The following GLDC variants were observed in gnomAD, a reference collection of about 807,000 sequenced individuals.
GLDC encodes glycine dehydrogenase (decarboxylating), mitochondrial.
In GLDC, 104 loss-of-function variants were observed where a neutral mutation model predicts 121.3. The ratio of observed to expected loss-of-function variants is 0.86; its 90% CI spans 0.73 to 1.01. The LOEUF (loss-of-function observed/expected upper bound fraction) is 1.01, where lower values mean the gene tolerates loss of function less well. Ranked by LOEUF, GLDC falls within the 50% of genes least tolerant of loss-of-function variation. The pLI is 0.00. For missense variants in GLDC, 1,429 were observed against 1,306.6 expected (o/e 1.09, Z -1.44); for synonymous variants, 546 against 480.6 (o/e 1.14, Z -1.78).
At chr9:6,580,950 T>A (rs746020120) in intron 15 of GLDC, among the ~76,000 whole-genome samples, 19 of 152,214 alleles carry the variant, frequency 1.2e-4, no homozygotes, top group Non-Finnish European at 2.5e-4. Context: ...CAGGTCTTTG[T>A]TTCATCCTGA....
chr9:6,554,880 G>A (rs1024394917), intron 18 of GLDC, 99 bp from the exon 19 acceptor site: 11 of 838,744 alleles, frequency 1.3e-5, no homozygotes, highest in African/African-American at 6.7e-5. Flanking sequence ...TCCCCTCAGA[G>A]GAAAAGCAGG....
chr9:6,535,248 A>C (rs925960221), intron 23 of GLDC, among the ~76,000 whole-genome samples: 1 of 152,046 alleles, frequency 6.6e-6, no homozygotes, highest in Non-Finnish European at 1.5e-5. Flanking sequence ...ACTCACTATT[A>C]TGCTCTTTGA....
intron 14 of GLDC, 54 bp from the exon 15 acceptor site, chr9:6,587,337 A>G (rs1368506845): frequency 1.6e-6 from 2 of 1,286,976 alleles, no homozygotes; most frequent in African/African-American, 1.5e-5. Context: ...AGCAATAGCA[A>G]TAATAACTTT....
intron 5 of GLDC, 54 bp downstream of exon 5, chr9:6,606,538 G>A (rs1346639759): frequency 2.0e-6 from 2 of 1,012,752 alleles, no homozygotes; most frequent in Admixed American, 1.7e-5. Context: ...GAAAGAAACA[G>A]CAGAGATGAA....
intron 2 of GLDC, 50 bp from the exon 3 acceptor site, chr9:6,620,369 GCT>G (rs776646309): frequency 4.0e-6 from 6 of 1,500,526 alleles, no homozygotes; most frequent in Middle Eastern, 1.7e-4. Context: ...TCAGAAAAGA[GCT>G]CTAATTACAG....
chr9:6,602,631 G>A (rs1194634801), intron 7 of GLDC, among the ~76,000 whole-genome samples: 2 of 152,166 alleles, frequency 1.3e-5, no homozygotes, highest in Non-Finnish European at 2.9e-5. Context: ...GGGATTACAG[G>A]CATGAGCCAC....
chr9:6,628,241 C>T (rs1819288216), intron 2 of GLDC, among the ~76,000 whole-genome samples: 1 of 152,166 alleles, frequency 6.6e-6, no homozygotes, highest in Non-Finnish European at 1.5e-5. Context: ...GCCTTTTCCT[C>T]CTGAGTAGTA....
chr9:6,584,381 T>C (rs1465168383), intron 15 of GLDC, among the ~76,000 whole-genome samples: 2 of 152,230 alleles, frequency 1.3e-5, no homozygotes, highest in Admixed American at 6.5e-5. Flanking sequence ...GTGACGTGCA[T>C]ATAGGTCCCC....
rs144578178 is a variant in GLDC at position 6,573,777 on chromosome 9, C to T, written c.1851-8348G>A. ...GTAAAGTGATCCTAACAACCACTGT[C>T]GAAATGACCCACTTCAGTTCATGGC... On this transcript the variant is annotated intron_variant, in intron 15 of 24. Coordinates refer to ENST00000321612, the MANE Select transcript of GLDC (RefSeq NM_000170.3). Among the ~76,000 whole-genome samples the T allele has an allele frequency of 1.4e-3, 210 of 152,236 alleles. 1 individual carries two copies. Among genetic ancestry groups the T allele is most frequent in the African/African-American group, 4.6e-3 (193 of 41,532 alleles).
At chr9:6,628,212 C>A (rs192667349) in intron 2 of GLDC, among the ~76,000 whole-genome samples, 1 of 152,324 alleles carries the variant, frequency 6.6e-6, no homozygotes, top group Non-Finnish European at 1.5e-5. Flanking sequence ...GTATGGGGTC[C>A]TTCAATCCCA....
At chr9:6,632,735 G>T (rs1819412781) in intron 2 of GLDC, among the ~76,000 whole-genome samples, 1 of 152,194 alleles carries the variant, frequency 6.6e-6, no homozygotes, top group Non-Finnish European at 1.5e-5. Context: ...GAGCTTGCAG[G>T]CAGAATGTGG....
intron 15 of GLDC, among the ~76,000 whole-genome samples, chr9:6,584,421 A>C (rs1225582064): frequency 5.3e-5 from 8 of 152,204 alleles, no homozygotes; most frequent in African/African-American, 1.7e-4. Flanking sequence ...GCCAGCAGTA[A>C]ATCATGACAA....
intron 15 of GLDC, among the ~76,000 whole-genome samples, chr9:6,570,422 A>T (rs537070615): frequency 6.6e-6 from 1 of 152,308 alleles, no homozygotes; most frequent in South Asian, 2.1e-4. Context: ...AAATATTCTG[A>T]AAATCATTTT....
At chr9:6,644,481 G>T in intron 2 of GLDC, 133 bp downstream of exon 2, 3 of 709,922 alleles carry the variant, frequency 4.2e-6, no homozygotes, top group Non-Finnish European at 7.6e-6. Context: ...GGAGGTACCC[G>T]CCACTGTTTT....
intron 2 of GLDC, among the ~76,000 whole-genome samples, chr9:6,638,273 G>T (rs113004248): frequency 0.032 from 4,879 of 151,646 alleles, 248 homozygotes; most frequent in African/African-American, 0.11. Flanking sequence ...GCAATGGCGC[G>T]ACTTAGCTCA....
intron 7 of GLDC, among the ~76,000 whole-genome samples, chr9:6,603,164 G>A (rs776767184): frequency 5.3e-5 from 8 of 151,688 alleles, no homozygotes; most frequent in Non-Finnish European, 1.0e-4. Flanking sequence ...GGAGGCAGAG[G>A]TTGCAGTGAG....
chr9:6,596,561 CA>C (rs1339161004), intron 8 of GLDC, among the ~76,000 whole-genome samples: 1 of 152,078 alleles, frequency 6.6e-6, no homozygotes, highest in Admixed American at 6.6e-5. Context: ...AAGAACATAA[CA>C]AGACCCCATC....
intron 20 of GLDC, 101 bp downstream of exon 20, chr9:6,553,267 A>C: frequency 2.9e-6 from 3 of 1,038,054 alleles, no homozygotes; most frequent in Non-Finnish European, 4.4e-6. Flanking sequence ...TCAGATCATG[A>C]ATTTATTTGT....
chr9:6,640,323 A>G (rs557590484), intron 2 of GLDC, among the ~76,000 whole-genome samples: 28 of 152,366 alleles, frequency 1.8e-4, no homozygotes, highest in Middle Eastern at 3.4e-3. Flanking sequence ...AAGCCTTGTC[A>G]CAGACTGCGG....
Sources: gnomAD v4.1 joint callset for allele counts (sites outside exome capture counted in the v4.1 genomes callset) on GRCh38, gnomAD v4.1.1 for gene constraint, MANE v1.5 for transcripts, NCBI Gene and HGNC (gene_info 2026-07-23, HGNC 2026-07-21) for gene names.